The following SGMS1 variants were observed in gnomAD, a reference collection of about 807,000 sequenced individuals.
SGMS1 encodes phosphatidylcholine:ceramide cholinephosphotransferase 1.
SGMS1 carries 13 observed loss-of-function variants against 46.2 expected under a neutral mutation model. That is an observed-to-expected ratio of 0.28 (90% CI 0.18 to 0.45). The LOEUF (loss-of-function observed/expected upper bound fraction) is 0.45, where lower values mean the gene tolerates loss of function less well. SGMS1 is among the 20% of genes least tolerant of loss of function. The pLI, the probability that SGMS1 is intolerant of heterozygous loss-of-function variation, is 1.00. For missense variants in SGMS1, 324 were observed against 519.9 expected (o/e 0.62, Z 3.66); for synonymous variants, 203 against 187.8 (o/e 1.08, Z -0.66).
At chr10:50,492,524 G>A (rs117921069) in intron 3 of SGMS1, among the ~76,000 whole-genome samples, 2,839 of 152,186 alleles carry the variant, frequency 0.019, 41 homozygotes, top group Middle Eastern at 0.061. Context: ...CAAACCAAGA[G>A]CCAAATCAGG....
intron 3 of SGMS1, among the ~76,000 whole-genome samples, chr10:50,496,356 G>T (rs964678034): frequency 2.0e-5 from 3 of 152,132 alleles, no homozygotes; most frequent in African/African-American, 4.8e-5. Context: ...TTATCCTCCA[G>T]CCAAATGCCT....
At chr10:50,458,282 C>G (rs892929488) in intron 5 of SGMS1, among the ~76,000 whole-genome samples, 1 of 146,956 alleles carries the variant, frequency 6.8e-6, no homozygotes, top group Non-Finnish European at 1.5e-5. Flanking sequence ...TTGTTAGAAA[C>G]ATTGCTGGTG....
intron 6 of SGMS1, among the ~76,000 whole-genome samples, chr10:50,401,817 T>C (rs1324532357): frequency 6.6e-6 from 1 of 152,208 alleles, no homozygotes; most frequent in Non-Finnish European, 1.5e-5. Flanking sequence ...AACACCTACT[T>C]TCAAACACTC....
intron 5 of SGMS1, among the ~76,000 whole-genome samples, chr10:50,455,762 A>G (rs923784268): frequency 6.6e-6 from 1 of 152,190 alleles, no homozygotes; most frequent in Non-Finnish European, 1.5e-5. Context: ...CATACACCAC[A>G]TCACTCTGAT....
chr10:50,617,704 C>G (rs1017242421), intron 1 of SGMS1, among the ~76,000 whole-genome samples: 3 of 152,126 alleles, frequency 2.0e-5, no homozygotes, highest in African/African-American at 7.2e-5. Flanking sequence ...ACCTCAGTCT[C>G]CCGAGTAGCT....
Position 50,393,001 on chromosome 10 carries a change from T to TG in SGMS1, c.-232+40474_-232+40475insC, listed in dbSNP as rs1848796895. ...CATAAAGCATCCAGAAAGTTTTTTT[T>TG]TTTTAATGAACCAAAAAATTTATGT... On this transcript the variant is annotated intron_variant, in intron 6 of 10. Transcript: ENST00000361781. Among the ~76,000 whole-genome samples, 4 of 152,204 alleles carry TG rather than the reference T, an allele frequency of 2.6e-5. No individual in the cohort carries two copies. In the South Asian group the frequency reaches 8.3e-4, roughly 32 times the overall value.
chr10:50,505,326 T>G (rs753201724), intron 3 of SGMS1, among the ~76,000 whole-genome samples: 1 of 152,192 alleles, frequency 6.6e-6, no homozygotes, highest in African/African-American at 2.4e-5. Context: ...CAATACCAGA[T>G]AGAGGGGTAG....
intron 7 of SGMS1, among the ~76,000 whole-genome samples, chr10:50,331,849 A>G (rs1464799816): frequency 6.6e-6 from 1 of 152,200 alleles, no homozygotes; most frequent in Non-Finnish European, 1.5e-5. Flanking sequence ...GTGAGGACAC[A>G]GGGAGAAAGC....
intron 7 of SGMS1, chr10:50,341,257 C>T (rs1159298285): frequency 8.9e-6 from 4 of 449,478 alleles, no homozygotes; most frequent in Non-Finnish European, 1.8e-5. Flanking sequence ...TATCCATCTT[C>T]ACTGCTTGAT....
rs192631156 is a variant in SGMS1, at chr10:50,481,316, G to A, written c.-497-14384C>T. 9.3e-4 allele frequency among the ~76,000 whole-genome samples: 142 copies of A among 152,286 alleles called. 1 individual carries two copies. The highest frequency in any genetic ancestry group is 3.3e-3 in the African/African-American group (139 of 41,562). On this transcript the variant is annotated intron_variant, in intron 3 of 10. Coordinates refer to ENST00000361781, the MANE Select transcript of SGMS1 (RefSeq NM_147156.4). The stretch of plus-strand genomic sequence containing the variant: ...CAGGTCAGTGCCCTTCTGCGACAGA[G>A]CTCCCAGAGGAAAAACCAGGCACCC...
Position 50,622,910 on chromosome 10 carries a change from C to T in SGMS1, c.-684+797G>A, listed in dbSNP as rs1026459146. Among the ~76,000 whole-genome samples, 4 of 152,254 alleles carry T rather than the reference C, an allele frequency of 2.6e-5. No homozygotes were observed. In the East Asian group the frequency reaches 7.7e-4, roughly 29 times the overall value. On this transcript the variant is annotated intron_variant, in intron 1 of 10. Coordinates refer to ENST00000361781, the MANE Select transcript of SGMS1 (RefSeq NM_147156.4). ...GCAGCCGCTGCTGCTGCTGTTTTGCCCTTGACACGTCGCTGGGGGATAGCG... is the reference window on the plus strand; with the variant it reads ...GCAGCCGCTGCTGCTGCTGTTTTGCTCTTGACACGTCGCTGGGGGATAGCG...
intron 5 of SGMS1, among the ~76,000 whole-genome samples, chr10:50,441,700 T>C (rs1490139280): frequency 6.6e-6 from 1 of 152,246 alleles, no homozygotes; most frequent in African/African-American, 2.4e-5. Context: ...CACTGCTTCC[T>C]TACCAAATAA....
intron 5 of SGMS1, among the ~76,000 whole-genome samples, chr10:50,453,753 AGAAG>A (rs1208688841): frequency 1.6e-5 from 2 of 128,542 alleles, no homozygotes; most frequent in Non-Finnish European, 3.2e-5. Context: ...AGACAGAGGG[AGAAG>A]GAAGGAAGGA....
intron 2 of SGMS1, among the ~76,000 whole-genome samples, chr10:50,572,933 C>T (rs1205284984): frequency 6.6e-6 from 1 of 152,186 alleles, no homozygotes; most frequent in Non-Finnish European, 1.5e-5. Context: ...TCCCTATTAT[C>T]ACTGTTGCAC....
chr10:50,428,458 G>A (rs1271175410), intron 6 of SGMS1, among the ~76,000 whole-genome samples: 1 of 152,144 alleles, frequency 6.6e-6, no homozygotes, highest in East Asian at 1.9e-4. Context: ...GGGATGGAAG[G>A]TGGGCAGAAA....
At chr10:50,560,552 A>T (rs1222145380) in intron 2 of SGMS1, among the ~76,000 whole-genome samples, 1 of 145,520 alleles carries the variant, frequency 6.9e-6, no homozygotes, top group Non-Finnish European at 1.5e-5. Flanking sequence ...TTTATGTGTA[A>T]TATATTATAT....
At chr10:50,543,480 G>T (rs1838073863) in intron 2 of SGMS1, among the ~76,000 whole-genome samples, 1 of 152,248 alleles carries the variant, frequency 6.6e-6, no homozygotes, top group African/African-American at 2.4e-5. Context: ...CAAATATGTG[G>T]TAGAGGTAAA....
At chr10:50,338,343 C>T (rs930406465) in intron 7 of SGMS1, among the ~76,000 whole-genome samples, 17 of 152,320 alleles carry the variant, frequency 1.1e-4, no homozygotes, top group Middle Eastern at 3.4e-3. Context: ...CATCTAATTT[C>T]TCCTTATACA....
At chr10:50,597,983 G>C (rs924149190) in intron 1 of SGMS1, among the ~76,000 whole-genome samples, 1 of 149,808 alleles carries the variant, frequency 6.7e-6, no homozygotes, top group African/African-American at 2.5e-5. Flanking sequence ...CTGCACTCCA[G>C]CCTGGGCAAC....
Sources: allele counts gnomAD v4.1 joint callset (sites outside exome capture counted in the v4.1 genomes callset), GRCh38; gene constraint gnomAD v4.1.1; transcripts MANE v1.5; gene names NCBI Gene and HGNC (gene_info 2026-07-23, HGNC 2026-07-21).